Variants in CTNNA2 observed in about 807,000 individuals in gnomAD.
CTNNA2 encodes catenin alpha 2, also known as catenin alpha-2.
A neutral mutation model predicts 101.0 loss-of-function variants in CTNNA2; 42 were observed. The ratio of observed to expected loss-of-function variants is 0.42; its 90% CI spans 0.32 to 0.54. The LOEUF (loss-of-function observed/expected upper bound fraction) is 0.54, where lower values mean the gene tolerates loss of function less well. CTNNA2 is among the 20% of genes least tolerant of loss of function. The pLI is 0.14. For missense variants in CTNNA2, 871 were observed against 1,223.1 expected (o/e 0.71, Z 4.29); for synonymous variants, 450 against 456.4 (o/e 0.99, Z 0.18).
chr2:79,532,400 A>G (rs11897248), intron 1 of CTNNA2, among the ~76,000 whole-genome samples: 52,588 of 151,866 alleles, frequency 0.35, 9,504 homozygotes, highest in East Asian at 0.4. Context: ...TATGTTCCAA[A>G]TTTATATTAT....
intron 9 of CTNNA2, among the ~76,000 whole-genome samples, chr2:80,457,219 G>A (rs1005300812): frequency 2.6e-5 from 4 of 151,676 alleles, no homozygotes; most frequent in South Asian, 2.1e-4. Context: ...GCCCACCACC[G>A]CACCCAGTTA....
At chr2:79,743,771 C>T (rs141912238) in intron 2 of CTNNA2, among the ~76,000 whole-genome samples, 8,468 of 152,060 alleles carry the variant, frequency 0.056, 377 homozygotes, top group African/African-American at 0.12. Flanking sequence ...TGACCTCAGG[C>T]GATCTGCCTG....
chr2:79,215,782 A>G (rs549783575), intron 2 of CTNNA2, among the ~76,000 whole-genome samples: 6 of 152,310 alleles, frequency 3.9e-5, no homozygotes, highest in South Asian at 2.1e-4. Flanking sequence ...GGCTAGTCAC[A>G]GAACGAAACT....
intron 4 of CTNNA2, among the ~76,000 whole-genome samples, chr2:79,400,859 A>T (rs556055503): frequency 6.6e-6 from 1 of 152,144 alleles, no homozygotes; most frequent in African/African-American, 2.4e-5. Context: ...TTACAGTCAA[A>T]CTGTTGAAAA....
At chr2:80,618,311 A>G (rs550432509) in intron 17 of CTNNA2, among the ~76,000 whole-genome samples, 16 of 151,976 alleles carry the variant, frequency 1.1e-4, no homozygotes, top group African/African-American at 3.9e-4. Flanking sequence ...AAAACTTGCC[A>G]TTTGATTTTT....
At chr2:80,040,544 A>T (rs1225387284) in intron 7 of CTNNA2, among the ~76,000 whole-genome samples, 1 of 152,162 alleles carries the variant, frequency 6.6e-6, no homozygotes, top group South Asian at 2.1e-4. Context: ...CCATTATTCA[A>T]ATCAACTCAG....
intron 9 of CTNNA2, among the ~76,000 whole-genome samples, chr2:80,498,880 C>T (rs1687662615): frequency 6.6e-6 from 1 of 152,124 alleles, no homozygotes; most frequent in African/African-American, 2.4e-5. Flanking sequence ...GCTATATTTA[C>T]AGCTCTGTGA....
At chr2:79,946,902 G>T (rs544050979) in intron 7 of CTNNA2, among the ~76,000 whole-genome samples, 1 of 152,296 alleles carries the variant, frequency 6.6e-6, no homozygotes, top group African/African-American at 2.4e-5. Context: ...TTCAGGCGTG[G>T]AAGAGACCAG....
chr2:80,450,751 A>C (rs901585449), intron 9 of CTNNA2, among the ~76,000 whole-genome samples: 3 of 152,192 alleles, frequency 2.0e-5, no homozygotes, highest in African/African-American at 7.2e-5. Context: ...CAAAGTAATC[A>C]AAGTCTTCTT....
rs536852154 is a variant in CTNNA2, at chr2:79,898,846, G to T, written c.853-10748G>T. On this transcript the variant is annotated intron_variant, in intron 6 of 18. Coordinates refer to ENST00000402739, the MANE Select transcript of CTNNA2 (RefSeq NM_001282597.3). ...GGTCGGGATTGGACATGGTACTTTG[G>T]TTCTCTTTCACAAGCAGGTGATAGT... 2.6e-5 allele frequency among the ~76,000 whole-genome samples: 4 copies of T among 152,196 alleles called. No homozygotes were observed. In the East Asian group the frequency reaches 7.8e-4, roughly 29 times the overall value.
chr2:79,218,352 T>TGTGTGTA (rs1491322056), intron 2 of CTNNA2, among the ~76,000 whole-genome samples: 5,750 of 82,022 alleles, frequency 0.07, 188 homozygotes, highest in Non-Finnish European at 0.088. Context: ...TGTGTGTGTA[T>TGTGTGTA]TTTTTTTTTT....
At chr2:80,109,712 C>G (rs1043698566) in intron 7 of CTNNA2, among the ~76,000 whole-genome samples, 7 of 152,150 alleles carry the variant, frequency 4.6e-5, no homozygotes, top group Admixed American at 3.3e-4. Context: ...GTGTGTGGCT[C>G]TTCAATCAAA....
At chr2:80,538,906 A>G (rs1691286333) in intron 9 of CTNNA2, among the ~76,000 whole-genome samples, 1 of 152,178 alleles carries the variant, frequency 6.6e-6, no homozygotes, top group African/African-American at 2.4e-5. Context: ...TTCCTTGAGC[A>G]GTGGTTTGTA....
chr2:79,393,320 C>A (rs1238603283), intron 4 of CTNNA2, among the ~76,000 whole-genome samples: 1 of 152,186 alleles, frequency 6.6e-6, no homozygotes, highest in African/African-American at 2.4e-5. Flanking sequence ...GTAAGCAAAA[C>A]CAGCGTCAAG....
chr2:80,383,376 C>T (rs572722411), intron 7 of CTNNA2, among the ~76,000 whole-genome samples: 35 of 152,258 alleles, frequency 2.3e-4, no homozygotes, highest in African/African-American at 8.2e-4. Flanking sequence ...AATAAACAAG[C>T]ATTTCCTGAC....
intron 7 of CTNNA2, among the ~76,000 whole-genome samples, chr2:80,381,838 T>C (rs1322942845): frequency 1.3e-5 from 2 of 152,208 alleles, no homozygotes; most frequent in Non-Finnish European, 2.9e-5. Flanking sequence ...CACCATTTTA[T>C]CGAATCTATT....
rs192895008 is a variant in CTNNA2 at position 79,956,325 on chromosome 2, A to C, written c.1056+46528A>C. 5.1e-3 allele frequency among the ~76,000 whole-genome samples: 771 copies of C among 152,262 alleles called. 13 individuals are homozygous for C. The highest frequency in any genetic ancestry group is 5.0e-3 in the South Asian group (24 of 4,826). The stretch of plus-strand genomic sequence containing the variant: ...TTATACAAAATACTTTCCTTTTAAC[A>C]GAATACTTATGAATTTTGCGATTAT... On this transcript the variant is annotated intron_variant, in intron 7 of 18. Coordinates refer to ENST00000402739, the MANE Select transcript of CTNNA2 (RefSeq NM_001282597.3).
intron 15 of CTNNA2, among the ~76,000 whole-genome samples, chr2:80,591,205 G>C (rs1696455463): frequency 6.6e-6 from 1 of 152,118 alleles, no homozygotes; most frequent in Admixed American, 6.6e-5. Context: ...TCAAAGTATA[G>C]TTTTAAAAGT....
At chr2:79,641,514 A>G (rs1228145796) in intron 1 of CTNNA2, among the ~76,000 whole-genome samples, 1 of 152,194 alleles carries the variant, frequency 6.6e-6, no homozygotes, top group East Asian at 1.9e-4. Flanking sequence ...TACTGTCCAA[A>G]TCTGAATTGC....
Sources: allele counts gnomAD v4.1 joint callset (sites outside exome capture counted in the v4.1 genomes callset), GRCh38; gene constraint gnomAD v4.1.1; transcripts MANE v1.5; gene names NCBI Gene and HGNC (gene_info 2026-07-23, HGNC 2026-07-21).